Variants in RGS7 observed in about 807,000 individuals in gnomAD.
RGS7 encodes regulator of G protein signaling 7, also known as regulator of G-protein signaling 7.
In RGS7, 27 loss-of-function variants were observed where a neutral mutation model predicts 81.1. The observed-to-expected ratio is 0.33, with a 90% CI of 0.25 to 0.46. The LOEUF is 0.46. RGS7 is among the 20% of genes least tolerant of loss of function. The pLI is 1.00. For missense variants in RGS7, 396 were observed against 607.4 expected (o/e 0.65, Z 3.66); for synonymous variants, 208 against 207.7 (o/e 1.00, Z -0.01).
chr1:241,300,204 C>T (rs1387930235), intron 2 of RGS7, among the ~76,000 whole-genome samples: 4 of 152,086 alleles, frequency 2.6e-5, no homozygotes, highest in African/African-American at 9.7e-5. Flanking sequence ...TGTCCCCTCC[C>T]CAACCTACCC....
Position 241,294,342 on chromosome 1 carries a change from G to A in RGS7, c.78+61357C>T, listed in dbSNP as rs144916777. Among the ~76,000 whole-genome samples the A allele has an allele frequency of 1.9e-3, 284 of 152,196 alleles. 2 individuals are homozygous for A. The highest frequency in any genetic ancestry group is 6.3e-3 in the African/African-American group (263 of 41,504). On this transcript the variant is annotated intron_variant, in intron 2 of 18. Coordinates refer to ENST00000440928, the MANE Select transcript of RGS7 (RefSeq NM_001364886.1). ...ATGCATGGGGGCTTAAAACCTAGAC[G>A]ATGGGTTGACAGGTGCAGCAAACCA... is the stretch of plus-strand genomic sequence containing the variant.
At chr1:241,327,132 AAGAAAG>A (rs1558321677) in intron 2 of RGS7, among the ~76,000 whole-genome samples, 1 of 117,754 alleles carries the variant, frequency 8.5e-6, no homozygotes, top group Non-Finnish European at 1.9e-5. Context: ...GAAAGAAAGA[AAGAAAG>A]AAAGAAAGGA....
intron 2 of RGS7, among the ~76,000 whole-genome samples, chr1:241,118,301 T>A (rs1047303976): frequency 1.3e-5 from 2 of 152,160 alleles, no homozygotes; most frequent in South Asian, 2.1e-4. Context: ...CCAATCACAG[T>A]CCTCCTCTGG....
At chr1:241,108,899 T>A (rs1572725138) in intron 2 of RGS7, among the ~76,000 whole-genome samples, 1 of 152,156 alleles carries the variant, frequency 6.6e-6, no homozygotes, top group East Asian at 1.9e-4. Context: ...GGTGTCTCTG[T>A]AGTCATTTTC....
chr1:240,904,863 T>A (rs1670568526), intron 6 of RGS7, among the ~76,000 whole-genome samples: 1 of 152,218 alleles, frequency 6.6e-6, no homozygotes, highest in African/African-American at 2.4e-5. Context: ...TTTCAGTTCA[T>A]AATGCATGGT....
intron 6 of RGS7, among the ~76,000 whole-genome samples, chr1:240,878,257 T>A (rs956722933): frequency 1.3e-5 from 2 of 152,224 alleles, no homozygotes; most frequent in African/African-American, 4.8e-5. Flanking sequence ...CATTCATTTA[T>A]GTAGTTAACT....
intron 2 of RGS7, among the ~76,000 whole-genome samples, chr1:241,236,164 A>ACCC (rs1491199131): frequency 8.7e-6 from 1 of 114,382 alleles, no homozygotes; most frequent in African/African-American, 3.2e-5. Flanking sequence ...GCAAATGACG[A>ACCC]CCTCCGCCCC....
chr1:241,259,631 C>G (rs1192616001), intron 2 of RGS7, among the ~76,000 whole-genome samples: 1 of 75,314 alleles, frequency 1.3e-5, no homozygotes, highest in African/African-American at 4.7e-5. Flanking sequence ...GCCTGGACAA[C>G]AAGAGCGAAA....
chr1:241,263,147 T>A (rs1194501380), intron 2 of RGS7, among the ~76,000 whole-genome samples: 7 of 151,104 alleles, frequency 4.6e-5, no homozygotes, highest in Non-Finnish European at 1.0e-4. Flanking sequence ...CATGGTGGCA[T>A]GTACCTGTAA....
At chr1:240,873,168 A>G (rs1052880561) in intron 6 of RGS7, among the ~76,000 whole-genome samples, 14 of 152,190 alleles carry the variant, frequency 9.2e-5, no homozygotes, top group Admixed American at 6.5e-4. Flanking sequence ...GGCACTGAAC[A>G]TGCTCTATAT....
intron 3 of RGS7, among the ~76,000 whole-genome samples, chr1:241,080,257 A>C (rs899533488): frequency 1.2e-4 from 18 of 152,082 alleles, no homozygotes; most frequent in African/African-American, 3.9e-4. Flanking sequence ...TTTCCATTTG[A>C]TATGTATAGT....
At chr1:240,947,132 A>C (rs1200925494) in intron 4 of RGS7, among the ~76,000 whole-genome samples, 1 of 152,204 alleles carries the variant, frequency 6.6e-6, no homozygotes, top group Non-Finnish European at 1.5e-5. Flanking sequence ...TGGTGGGAAG[A>C]GTACTGCATT....
At chr1:240,910,678 A>G (rs1314521028) in intron 6 of RGS7, among the ~76,000 whole-genome samples, 1 of 152,206 alleles carries the variant, frequency 6.6e-6, no homozygotes, top group East Asian at 1.9e-4. Flanking sequence ...ATGTATTGCA[A>G]CATCACTATG....
chr1:241,286,732 C>A (rs1455189892), intron 2 of RGS7, among the ~76,000 whole-genome samples: 1 of 152,192 alleles, frequency 6.6e-6, no homozygotes, highest in South Asian at 2.1e-4. Context: ...GCCAGCCCAA[C>A]TATAGTAATT....
At chr1:241,134,284 A>T (rs1432983380) in intron 2 of RGS7, among the ~76,000 whole-genome samples, 1 of 152,190 alleles carries the variant, frequency 6.6e-6, no homozygotes, top group Non-Finnish European at 1.5e-5. Flanking sequence ...CTTCCAAATT[A>T]TATGGAAACC....
At chr1:240,819,416 A>C (rs762757841) in intron 10 of RGS7, among the ~76,000 whole-genome samples, 3 of 152,208 alleles carry the variant, frequency 2.0e-5, no homozygotes, top group Non-Finnish European at 4.4e-5. Flanking sequence ...AATGATTTCA[A>C]CATTTATGCA....
chr1:241,296,314 T>C (rs772460454), intron 2 of RGS7, among the ~76,000 whole-genome samples: 4 of 152,136 alleles, frequency 2.6e-5, no homozygotes, highest in Non-Finnish European at 4.4e-5. Context: ...GGAGTGCATA[T>C]TTCAACACTG....
At chr1:240,879,791 CTTTT>C in intron 6 of RGS7, among the ~76,000 whole-genome samples, 1 of 152,266 alleles carries the variant, frequency 6.6e-6, no homozygotes, top group East Asian at 1.9e-4. Flanking sequence ...GTCTTTCCAA[CTTTT>C]TTAATTACTA....
chr1:241,230,004 G>A (rs2075560967), intron 2 of RGS7, among the ~76,000 whole-genome samples: 1 of 152,110 alleles, frequency 6.6e-6, no homozygotes, highest in African/African-American at 2.4e-5. Context: ...GTCAGCTTCT[G>A]GCTACAAGAG....
Sources: gnomAD v4.1 joint callset for allele counts (sites outside exome capture counted in the v4.1 genomes callset) on GRCh38, gnomAD v4.1.1 for gene constraint, MANE v1.5 for transcripts, NCBI Gene and HGNC (gene_info 2026-07-23, HGNC 2026-07-21) for gene names.